Variants in FNBP1L observed in about 807,000 individuals in gnomAD.
The protein encoded by FNBP1L is formin-binding protein 1-like.
FNBP1L carries 36 observed loss-of-function variants against 91.2 expected under a neutral mutation model. The observed-to-expected ratio is 0.39, with a 90% confidence interval of 0.30 to 0.52. FNBP1L has a LOEUF of 0.52. Ranked by LOEUF, FNBP1L falls within the 20% of genes least tolerant of loss-of-function variation. FNBP1L has a pLI of 0.66. For missense variants in FNBP1L, 571 were observed against 732.1 expected, an observed-to-expected ratio of 0.78 and a Z score of 2.54; for synonymous variants, 242 against 237.0, an observed-to-expected ratio of 1.02 and a Z score of -0.19.
At chr1:93,464,627 A>C (rs1304805189) in intron 1 of FNBP1L, among the ~76,000 whole-genome samples, 2 of 152,104 alleles carry the variant, frequency 1.3e-5, no homozygotes, top group African/African-American at 4.8e-5. Flanking sequence ...CTTTTCTACA[A>C]GTACTATTTT....
intron 1 of FNBP1L, among the ~76,000 whole-genome samples, chr1:93,469,405 G>A (rs535654843): frequency 1.3e-5 from 2 of 152,242 alleles, no homozygotes; most frequent in South Asian, 4.2e-4. Context: ...TCTCTGCAAA[G>A]GACATGAACT....
At chr1:93,509,628 C>A (rs1273255968) in intron 2 of FNBP1L, among the ~76,000 whole-genome samples, 1 of 152,230 alleles carries the variant, frequency 6.6e-6, no homozygotes, top group Non-Finnish European at 1.5e-5. Flanking sequence ...CGAATAGGAA[C>A]AGCTCCGGTC....
At chr1:93,458,499 A>C (rs1426393189) in intron 1 of FNBP1L, among the ~76,000 whole-genome samples, 1 of 152,230 alleles carries the variant, frequency 6.6e-6, no homozygotes, top group Non-Finnish European at 1.5e-5. Flanking sequence ...TTAAAGACTT[A>C]AACATAGGAC....
intron 10 of FNBP1L, among the ~76,000 whole-genome samples, chr1:93,538,256 CTTAT>C (rs889182530): frequency 2.7e-5 from 3 of 110,186 alleles, no homozygotes; most frequent in African/African-American, 8.1e-5. Flanking sequence ...TATGTGTCAT[CTTAT>C]TTTTTTTTTT....
chr1:93,459,992 A>C (rs1330394604), intron 1 of FNBP1L, among the ~76,000 whole-genome samples: 1 of 129,486 alleles, frequency 7.7e-6, no homozygotes, highest in Non-Finnish European at 1.8e-5. Flanking sequence ...TGGGATATTG[A>C]AATATTGGCA....
intron 2 of FNBP1L, among the ~76,000 whole-genome samples, chr1:93,513,460 CA>C (rs1461866927): frequency 1.3e-5 from 2 of 152,060 alleles, no homozygotes; most frequent in African/African-American, 4.8e-5. Flanking sequence ...GGCAGAGACA[CA>C]ACCAGAAAAG....
chr1:93,523,260 G>A (rs1331153643), intron 3 of FNBP1L, 84 bp from the exon 4 acceptor site: 32 of 1,358,682 alleles, frequency 2.4e-5, no homozygotes, highest in Admixed American at 3.3e-5. Context: ...TAAAATTTGC[G>A]AAATGTTAGA....
intron 2 of FNBP1L, among the ~76,000 whole-genome samples, chr1:93,507,146 C>CTCTCTT (rs1553215073): frequency 1.6e-5 from 2 of 122,950 alleles, no homozygotes; most frequent in African/African-American, 6.5e-5. Context: ...CTCTCTCTCT[C>CTCTCTT]TCTCTTTCTC....
chr1:93,512,831 A>G (rs1402318486), intron 2 of FNBP1L, among the ~76,000 whole-genome samples: 6 of 152,150 alleles, frequency 3.9e-5, no homozygotes, highest in Admixed American at 2.6e-4. Flanking sequence ...GAAAGATCCA[A>G]AATTGACACT....
intron 1 of FNBP1L, among the ~76,000 whole-genome samples, chr1:93,466,185 T>C (rs183158473): frequency 2.0e-5 from 3 of 152,320 alleles, no homozygotes; most frequent in African/African-American, 7.2e-5. Context: ...TCTTTTGCCA[T>C]GCAGAAGCTC....
At chr1:93,532,469 CA>C (rs35188106) in intron 7 of FNBP1L, among the ~76,000 whole-genome samples, 1,528 of 62,618 alleles carry the variant, frequency 0.024, 15 homozygotes, top group African/African-American at 0.077. Flanking sequence ...GACTCCGCCT[CA>C]AAAAAAAAAA....
intron 2 of FNBP1L, among the ~76,000 whole-genome samples, chr1:93,506,966 A>AT (rs1233731764): frequency 2.0e-5 from 3 of 151,992 alleles, no homozygotes; most frequent in Non-Finnish European, 4.4e-5. Context: ...TGCCCACTAA[A>AT]TTTAGAAGCC....
At chr1:93,510,228 A>G (rs570658391) in intron 2 of FNBP1L, among the ~76,000 whole-genome samples, 22 of 152,198 alleles carry the variant, frequency 1.4e-4, no homozygotes, top group Non-Finnish European at 2.5e-4. Flanking sequence ...TTTGAAGAGA[A>G]CAGTGGTTCT....
intron 1 of FNBP1L, among the ~76,000 whole-genome samples, chr1:93,465,768 G>A (rs902636955): frequency 6.6e-6 from 1 of 152,180 alleles, no homozygotes; most frequent in African/African-American, 2.4e-5. Flanking sequence ...AGATCCTTGA[G>A]GAATCGCCAC....
At chr1:93,546,698 A>T in intron 12 of FNBP1L, 144 bp from the exon 13 acceptor site, 1 of 776,138 alleles carries the variant, frequency 1.3e-6, no homozygotes, top group Non-Finnish European at 2.0e-6. Context: ...AATTGTCTTT[A>T]ATCAGGTCAT....
chr1:93,480,067 A>G (rs1219685451), intron 1 of FNBP1L, among the ~76,000 whole-genome samples: 1 of 152,190 alleles, frequency 6.6e-6, no homozygotes, highest in Non-Finnish European at 1.5e-5. Flanking sequence ...GAAGTGATAA[A>G]TGTTCATGAA....
chr1:93,472,896 A>T (rs1477310673), intron 1 of FNBP1L, among the ~76,000 whole-genome samples: 1 of 145,554 alleles, frequency 6.9e-6, no homozygotes, highest in East Asian at 2.1e-4. Flanking sequence ...AATATTGCTG[A>T]TTGCATTATC....
At chr1:93,459,941 A>ATATGTGTGTGTG (rs1553207611) in intron 1 of FNBP1L, among the ~76,000 whole-genome samples, 2 of 142,168 alleles carry the variant, frequency 1.4e-5, no homozygotes, top group East Asian at 4.3e-4. Context: ...TGGATTTCAG[A>ATATGTGTGTGTG]TGTGTGTGTG....
chr1:93,475,386 CA>C (rs1351197916), intron 1 of FNBP1L, among the ~76,000 whole-genome samples: 2 of 151,842 alleles, frequency 1.3e-5, no homozygotes, highest in Non-Finnish European at 2.9e-5. Flanking sequence ...TAAAAAAATA[CA>C]AAAAAATTAG....
Sources: allele counts gnomAD v4.1 joint callset (sites outside exome capture counted in the v4.1 genomes callset), GRCh38; gene constraint gnomAD v4.1.1; transcripts MANE v1.5; gene names NCBI Gene and HGNC (gene_info 2026-07-23, HGNC 2026-07-21).